CDH12: variants seen among roughly 807,000 people sequenced by gnomAD.
The protein encoded by CDH12 is cadherin-12.
In CDH12, 41 loss-of-function variants were observed where a neutral mutation model predicts 74.1. The observed-to-expected ratio is 0.55, with a 90% CI of 0.43 to 0.72. The LOEUF (loss-of-function observed/expected upper bound fraction) is 0.72, where lower values mean the gene tolerates loss of function less well. CDH12 is among the 30% of genes least tolerant of loss of function. The pLI, the probability that CDH12 is intolerant of heterozygous loss-of-function variation, is 0.00. For synonymous variants in CDH12, 399 were observed against 355.0 expected (o/e 1.12, Z -1.39); for missense variants, 945 against 977.2 (o/e 0.97, Z 0.44).
intron 2 of CDH12, among the ~76,000 whole-genome samples, chr5:22,485,904 A>C (rs777779358): frequency 2.8e-4 from 43 of 152,228 alleles, no homozygotes; most frequent in Non-Finnish European, 5.6e-4. Flanking sequence ...ATATCAGAGC[A>C]AAAGAATACA....
chr5:22,377,516 A>G (rs1000025179), intron 3 of CDH12, among the ~76,000 whole-genome samples: 2 of 152,240 alleles, frequency 1.3e-5, no homozygotes, highest in Non-Finnish European at 1.5e-5. Flanking sequence ...GGCGACAACC[A>G]TACACAAGTT....
intron 2 of CDH12, among the ~76,000 whole-genome samples, chr5:22,419,770 C>T (rs1008056265): frequency 6.6e-6 from 1 of 152,152 alleles, no homozygotes; most frequent in African/African-American, 2.4e-5. Flanking sequence ...TCCACCAAAA[C>T]TGTAAAAGCA....
At chr5:22,604,880 G>C (rs1018858691) in intron 1 of CDH12, among the ~76,000 whole-genome samples, 1 of 152,178 alleles carries the variant, frequency 6.6e-6, no homozygotes, top group African/African-American at 2.4e-5. Flanking sequence ...CCACATCCAA[G>C]ATGGCCATTG....
At chr5:22,370,330 T>C (rs1277492569) in intron 3 of CDH12, among the ~76,000 whole-genome samples, 1 of 152,094 alleles carries the variant, frequency 6.6e-6, no homozygotes, top group East Asian at 1.9e-4. Flanking sequence ...TAACTTTCAC[T>C]CCCAAGTTGC....
At chr5:22,660,572 C>A (rs1333097875) in intron 1 of CDH12, among the ~76,000 whole-genome samples, 4 of 152,146 alleles carry the variant, frequency 2.6e-5, no homozygotes, top group Non-Finnish European at 5.9e-5. Context: ...TCACCACGCC[C>A]AGCTAATTTT....
At chr5:22,258,010 GA>G (rs1205967878) in intron 3 of CDH12, among the ~76,000 whole-genome samples, 2 of 152,014 alleles carry the variant, frequency 1.3e-5, no homozygotes, top group Non-Finnish European at 2.9e-5. Context: ...ATTAAGTAAA[GA>G]AAAATATTCT....
At chr5:22,287,181 T>A (rs975903235) in intron 3 of CDH12, among the ~76,000 whole-genome samples, 5 of 152,212 alleles carry the variant, frequency 3.3e-5, no homozygotes, top group Admixed American at 2.6e-4. Flanking sequence ...CAAACTTTGT[T>A]ATGGTTATGC....
intron 3 of CDH12, among the ~76,000 whole-genome samples, chr5:22,347,326 C>T (rs753081475): frequency 1.2e-4 from 18 of 152,162 alleles, no homozygotes; most frequent in Non-Finnish European, 2.4e-4. Context: ...GTGGAAGGAT[C>T]TGACTGGCTA....
In CDH12 at chr5:22,158,895, G is replaced by T. The variant is rs2150317129; in HGVS notation, c.-187+53603C>A. ...AAATAATAAAAACAAGAATTATAAT[G>T]GTGTCCCTTCAGCTTTGAAATTCTG... is the stretch of plus-strand genomic sequence containing the variant. On this transcript the variant is annotated intron_variant, in intron 4 of 14. Transcript: ENST00000382254. Among the ~76,000 whole-genome samples, 4 of 152,044 alleles carry T rather than the reference G, an allele frequency of 2.6e-5. No individual in the cohort carries two copies. In the South Asian group the frequency reaches 8.3e-4, roughly 32 times the overall value.
At chr5:22,344,545 C>T (rs1740028543) in intron 3 of CDH12, among the ~76,000 whole-genome samples, 1 of 152,008 alleles carries the variant, frequency 6.6e-6, no homozygotes, top group Admixed American at 6.6e-5. Context: ...TCACCTGTGG[C>T]AACAACCACC....
chr5:21,898,056 AG>A (rs1753205887), intron 6 of CDH12, among the ~76,000 whole-genome samples: 1 of 151,794 alleles, frequency 6.6e-6, no homozygotes, highest in Admixed American at 6.5e-5. Context: ...TCTTAATGAC[AG>A]GCATGACCTT....
chr5:22,463,903 T>C (rs1745621459), intron 2 of CDH12, among the ~76,000 whole-genome samples: 1 of 152,162 alleles, frequency 6.6e-6, no homozygotes, highest in South Asian at 2.1e-4. Flanking sequence ...ATTAGATTCT[T>C]CTTTTAGTCT....
chr5:22,670,897 C>A (rs1740868265), intron 1 of CDH12, among the ~76,000 whole-genome samples: 2 of 151,246 alleles, frequency 1.3e-5, no homozygotes, highest in Non-Finnish European at 1.5e-5. Context: ...TATTTTTTTT[C>A]TTTTAAAAAT....
At chr5:22,046,660 TAC>T (rs1739980655) in intron 5 of CDH12, among the ~76,000 whole-genome samples, 1 of 152,118 alleles carries the variant, frequency 6.6e-6, no homozygotes, top group African/African-American at 2.4e-5. Context: ...AGCAGCATGA[TAC>T]AGTGACACAT....
chr5:22,568,370 A>G (rs760011865), intron 1 of CDH12, among the ~76,000 whole-genome samples: 2 of 152,232 alleles, frequency 1.3e-5, no homozygotes, highest in Non-Finnish European at 2.9e-5. Context: ...GTAGAAAAAG[A>G]ATGAGGATAG....
At chr5:22,411,853 C>G (rs1329720302) in intron 2 of CDH12, among the ~76,000 whole-genome samples, 1 of 151,984 alleles carries the variant, frequency 6.6e-6, no homozygotes, top group Non-Finnish European at 1.5e-5. Flanking sequence ...GAGACTACCT[C>G]ATCAATTTCT....
intron 2 of CDH12, among the ~76,000 whole-genome samples, chr5:22,416,463 G>A (rs1042815435): frequency 1.3e-5 from 2 of 152,162 alleles, no homozygotes; most frequent in East Asian, 1.9e-4. Context: ...CTCAGAAAGA[G>A]AAGGATGAGT....
intron 1 of CDH12, among the ~76,000 whole-genome samples, chr5:22,780,114 A>G (rs1344630569): frequency 6.6e-6 from 1 of 152,186 alleles, no homozygotes; most frequent in African/African-American, 2.4e-5. Context: ...AGCCAGGCAC[A>G]GTGGCTCGTT....
chr5:22,636,949 G>T (rs576089690), intron 1 of CDH12, among the ~76,000 whole-genome samples: 1 of 152,192 alleles, frequency 6.6e-6, no homozygotes, highest in East Asian at 1.9e-4. Flanking sequence ...ATTTCATATC[G>T]GTTTTATTTA....
Sources: gnomAD v4.1 joint callset for allele counts (sites outside exome capture counted in the v4.1 genomes callset) on GRCh38, gnomAD v4.1.1 for gene constraint, MANE v1.5 for transcripts, NCBI Gene and HGNC (gene_info 2026-07-23, HGNC 2026-07-21) for gene names.